The following RYR2 variants were observed in gnomAD, a reference collection of about 807,000 sequenced individuals.
RYR2 encodes the protein ryanodine receptor 2, also known as cardiac muscle ryanodine receptor-calcium release channel.
In RYR2, 227 loss-of-function variants were observed where a neutral mutation model predicts 601.1. That is an observed-to-expected ratio of 0.38 (90% CI 0.34 to 0.42). The LOEUF (loss-of-function observed/expected upper bound fraction) is 0.42, where lower values mean the gene tolerates loss of function less well. Ranked by LOEUF, RYR2 falls within the 10% of genes least tolerant of loss-of-function variation. RYR2 has a pLI of 1.00. For synonymous variants in RYR2, 2,223 were observed against 2,175.1 expected (o/e 1.02, Z -0.61); for missense variants, 4,646 against 6,156.5 (o/e 0.75, Z 8.21).
chr1:237,482,323 TCAAC>T lies in RYR2; in HGVS notation c.1709-9480_1709-9477del, dbSNP rs1662203803. ...CATTCTTTCTATTTTTTTGTACCCA[TCAAC>T]CATCCCTACATTCCTCTAGAGCCCC... is the stretch of plus-strand genomic sequence containing the variant. On this transcript the variant is annotated intron_variant, in intron 17 of 104. Transcript: ENST00000366574. Among the ~76,000 whole-genome samples the T allele has an allele frequency of 2.0e-5, 3 of 152,112 alleles. 1 individual carries two copies. The highest frequency in any genetic ancestry group is 2.0e-4 in the Admixed American group (3 of 15,262).
At chr1:237,519,850 A>C (rs1304596845) in intron 24 of RYR2, among the ~76,000 whole-genome samples, 1 of 152,034 alleles carries the variant, frequency 6.6e-6, no homozygotes, top group Non-Finnish European at 1.5e-5. Context: ...GTTGCATTGA[A>C]TTTATGGATT....
chr1:237,579,234 T>C (rs933543344), intron 29 of RYR2, among the ~76,000 whole-genome samples: 4 of 135,898 alleles, frequency 2.9e-5, no homozygotes, highest in Non-Finnish European at 6.2e-5. Context: ...GAGGATAATT[T>C]ACTTCTTCTT....
Position 237,717,230 on chromosome 1 carries a change from G to T in RYR2, c.10356G>T (p.Met3452Ile). 1 of 1,613,624 alleles carries T rather than the reference G, an allele frequency of 6.2e-7. No individual in the cohort carries two copies. The highest frequency in any genetic ancestry group is 1.3e-5 in the African/African-American group (1 of 75,028). The change falls in exon 72 of 105, where the codon ATG becomes ATT. Residue 3452 changes from methionine to isoleucine, a missense_variant. Met to Ile is a conservative substitution (Grantham distance 10, BLOSUM62 1). Around this residue, in one of 17 missense-constraint regions of RYR2, gnomAD observed 1,497 missense variants for 1,842.6 expected, o/e 0.81. Coordinates refer to ENST00000366574, the MANE Select transcript of RYR2 (RefSeq NM_001035.3). ...AAVSDQERKK[M>I]KRKGDRYSMQ... is the part of the protein sequence containing the mutation. ...TTTCTGATCAGGAAAGGAAGAAAAT[G>T]AAGCGCAAAGGAGATCGGTATTCCA...
chr1:237,658,192 T>C (rs2148832653), intron 54 of RYR2, among the ~76,000 whole-genome samples, 170 bp downstream of exon 54: 1 of 152,252 alleles, frequency 6.6e-6, no homozygotes, highest in Middle Eastern at 3.4e-3. Flanking sequence ...TAGCTAGCTC[T>C]ATCATTAACA....
chr1:237,273,015 G>T (rs550362203), intron 2 of RYR2, among the ~76,000 whole-genome samples: 2 of 152,256 alleles, frequency 1.3e-5, no homozygotes, highest in Non-Finnish European at 2.9e-5. Context: ...ATGAACCGGG[G>T]CTGGAGGGTG....
intron 1 of RYR2, among the ~76,000 whole-genome samples, chr1:237,242,560 G>T (rs991446956): frequency 6.6e-6 from 1 of 152,062 alleles, no homozygotes; most frequent in African/African-American, 2.4e-5. Context: ...GGAGAAATTA[G>T]AGAAGATTTT....
chr1:237,549,750 G>A (rs1362310032), intron 26 of RYR2, among the ~76,000 whole-genome samples: 1 of 148,832 alleles, frequency 6.7e-6, no homozygotes, highest in East Asian at 2.0e-4. Context: ...GAAATGTGGA[G>A]ACTTGAGCAA....
intron 14 of RYR2, among the ~76,000 whole-genome samples, chr1:237,452,049 G>A (rs1316258272): frequency 8.4e-6 from 1 of 119,506 alleles, no homozygotes; most frequent in Non-Finnish European, 1.8e-5. Context: ...TATTCTTTTG[G>A]CCTGGGGTGG....
chr1:237,713,502 T>A (rs543436160), intron 71 of RYR2, among the ~76,000 whole-genome samples: 2 of 152,254 alleles, frequency 1.3e-5, no homozygotes, highest in South Asian at 2.1e-4. Context: ...GTTCAAGCGA[T>A]TCTCCTGCCT....
intron 25 of RYR2, among the ~76,000 whole-genome samples, chr1:237,531,081 T>G: frequency 6.6e-6 from 1 of 152,234 alleles, no homozygotes; most frequent in Non-Finnish European, 1.5e-5. Context: ...AGTGTGTGTT[T>G]ATATGTTAAC....
At chr1:237,676,832 T>A (rs1317234459) in intron 60 of RYR2, among the ~76,000 whole-genome samples, 1 of 151,914 alleles carries the variant, frequency 6.6e-6, no homozygotes, top group African/African-American at 2.4e-5. Context: ...CACAGAAGCA[T>A]TTTTTTTAAA....
intron 89 of RYR2, among the ~76,000 whole-genome samples, chr1:237,782,048 C>A (rs565160347): frequency 6.6e-6 from 1 of 152,094 alleles, no homozygotes; most frequent in East Asian, 1.9e-4. Context: ...CCTTTGGGTT[C>A]TTAAAGCCGT....
chr1:237,158,781 CGAATGAAT>C (rs950366662), intron 1 of RYR2, among the ~76,000 whole-genome samples: 1 of 152,108 alleles, frequency 6.6e-6, no homozygotes, highest in Non-Finnish European at 1.5e-5. Context: ...GAATGATTGC[CGAATGAAT>C]GAATGAATGG....
intron 32 of RYR2, among the ~76,000 whole-genome samples, chr1:237,592,623 A>G (rs1372026746): frequency 1.5e-5 from 2 of 136,244 alleles, no homozygotes; most frequent in Non-Finnish European, 3.3e-5. Context: ...ACAGAGTAAG[A>G]CTCTGTCTCA....
intron 3 of RYR2, among the ~76,000 whole-genome samples, chr1:237,343,112 A>T (rs1022670475): frequency 6.6e-6 from 1 of 152,076 alleles, no homozygotes; most frequent in African/African-American, 2.4e-5. Flanking sequence ...AGACCCAGCT[A>T]CTTCAGAGGC....
chr1:237,610,856 A>G lies in RYR2; in HGVS notation c.4778A>G (p.His1593Arg). 1 of 1,613,406 alleles carries G rather than the reference A, an allele frequency of 6.2e-7. No individual in the cohort carries two copies. Among genetic ancestry groups the G allele is most frequent in the Non-Finnish European group, 8.5e-7 (1 of 1,179,684 alleles). The stretch of plus-strand genomic sequence containing the variant: ...CGCCTCCACGTGCAGTTCCTGTCAC[A>G]CGTCCTGTGGAGCAGAATGCCCAAC... ...PPRLHVQFLS[H>R]VLWSRMPNQF... The change falls in exon 36 of 105, where the codon CAC (histidine) becomes CGC (arginine). Residue 1593 changes from histidine (H) to arginine (R), a missense_variant. Around this residue, in one of 17 missense-constraint regions of RYR2, gnomAD observed 1,807 missense variants for 2,088.1 expected, o/e 0.87. Transcript: ENST00000366574. The surrounding 1 kb of genome is among the most constrained non-coding windows in gnomAD (Gnocchi z 4.9).
rs1553357477 is a variant in RYR2, at chr1:237,237,926, C to CCCCTTT, written c.49-32569_49-32568insCTTTCC. ...TCCTTTTTCCTTTCCTTTTCCCTTT[C>CCCCTTT]CCTTTCCCCTTTCCTTTCCCCTTTC... On this transcript the variant is annotated intron_variant, in intron 1 of 104. Transcript: ENST00000366574. Among the ~76,000 whole-genome samples, 8 of 56,448 alleles carry CCCCTTT rather than the reference C, an allele frequency of 1.4e-4. No individual in the cohort carries two copies. In the East Asian group the frequency reaches 4.1e-3, roughly 29 times the overall value. The allele number at this position is 56,448 out of a possible 152,430, so 37.0% of individuals were successfully genotyped here. A position where few individuals can be genotyped will look rare whatever the true frequency, so the allele number is the denominator to read the frequency against.
rs200092869 is a variant in RYR2, at chr1:237,784,631, C to T, written c.12919C>T (p.Arg4307Cys). The change falls in exon 90 of 105, where the codon CGC becomes TGC. Residue 4307 changes from arginine (R) to cysteine (C), a missense_variant. Coordinates refer to ENST00000366574, the MANE Select transcript of RYR2 (RefSeq NM_001035.3). The surrounding 1 kb of genome is among the most constrained non-coding windows in gnomAD (Gnocchi z 7.1). ...FVASVFRGFF[R>C]IICSLLLGGS... is the part of the protein sequence containing the mutation. The stretch of plus-strand genomic sequence containing the variant: ...GGCCAGCGTTTTCAGAGGCTTTTTC[C>T]GCATCATTTGCAGCCTGCTGCTTGG... 1,038 of 1,613,548 alleles carry T rather than the reference C, an allele frequency of 6.4e-4. 2 individuals carry two copies. The highest frequency in any genetic ancestry group is 8.2e-4 in the Non-Finnish European group (965 of 1,179,776).
chr1:237,167,283 AATG>A (rs1676813310), intron 1 of RYR2, among the ~76,000 whole-genome samples: 2 of 152,342 alleles, frequency 1.3e-5, no homozygotes, highest in South Asian at 4.1e-4. Flanking sequence ...TAGGCACCAG[AATG>A]ATATGAAACA....
Sources: allele counts gnomAD v4.1 joint callset (sites outside exome capture counted in the v4.1 genomes callset), GRCh38; gene constraint gnomAD v4.1.1; regional missense constraint gnomAD v4.1.1; non-coding constraint Gnocchi (gnomAD v3.1); transcripts MANE v1.5; gene names NCBI Gene and HGNC (gene_info 2026-07-23, HGNC 2026-07-21).